Variants in SLFN12L observed in about 807,000 individuals in gnomAD.
SLFN12L encodes the protein schlafen family member 12-like.
A neutral mutation model predicts 34.8 loss-of-function variants in SLFN12L; 34 were observed. The ratio of observed to expected loss-of-function variants is 0.98; its 90% CI spans 0.74 to 1.30. SLFN12L has a LOEUF of 1.30. SLFN12L is among the 50% of genes most tolerant of loss of function. SLFN12L has a pLI of 0.00. For missense variants in SLFN12L, 703 were observed against 696.2 expected, an observed-to-expected ratio of 1.01 and a Z score of -0.11; for synonymous variants, 259 against 247.5, an observed-to-expected ratio of 1.05 and a Z score of -0.44.
chr17:35,508,252 C>T (rs906799847), intron 2 of SLFN12L, among the ~76,000 whole-genome samples: 5 of 152,200 alleles, frequency 3.3e-5, no homozygotes, highest in Non-Finnish European at 5.9e-5. Flanking sequence ...GAATTGCTCA[C>T]TCGGGGAGCT....
intron 2 of SLFN12L, among the ~76,000 whole-genome samples, chr17:35,520,947 G>C (rs1192154467): frequency 2.6e-5 from 4 of 152,014 alleles, no homozygotes; most frequent in African/African-American, 7.2e-5. Flanking sequence ...CTGCCTTTCT[G>C]TCTAAGCTTC....
intron 2 of SLFN12L, among the ~76,000 whole-genome samples, chr17:35,505,880 C>A (rs773177138): frequency 3.3e-5 from 5 of 152,190 alleles, no homozygotes; most frequent in Non-Finnish European, 5.9e-5. Flanking sequence ...ATAGTAAGTA[C>A]TTCAACTGAC....
At chr17:35,523,617 G>T (rs1199911102) in intron 1 of SLFN12L, among the ~76,000 whole-genome samples, 1 of 152,178 alleles carries the variant, frequency 6.6e-6, no homozygotes, top group African/African-American at 2.4e-5. Context: ...CGTGACATGA[G>T]AATATACTTG....
rs540927929 is a variant in SLFN12L at position 35,514,214 on chromosome 17, T to G, written c.86+8065A>C. ...CTTAGAACACATTAAGCTCACTGATTTAAACAAAACATTTCAAGACTGACA... is the reference window on the plus strand; with the variant it reads ...CTTAGAACACATTAAGCTCACTGATGTAAACAAAACATTTCAAGACTGACA... On this transcript the variant is annotated intron_variant, in intron 2 of 4. Transcript: ENST00000628453. Among the ~76,000 whole-genome samples, 3 of 152,330 alleles carry G rather than the reference T, an allele frequency of 2.0e-5. 1 individual carries two copies. In the South Asian group the frequency reaches 6.2e-4, roughly 32 times the overall value.
chr17:35,487,765 G>A (rs750126307), intron 2 of SLFN12L: 2 of 1,536,014 alleles, frequency 1.3e-6, no homozygotes, highest in Non-Finnish European at 1.7e-6. Context: ...ACCAAGTAGG[G>A]GGACCTGAGT....
chr17:35,521,494 G>A (rs1915995175), intron 2 of SLFN12L, among the ~76,000 whole-genome samples: 1 of 152,188 alleles, frequency 6.6e-6, no homozygotes, highest in Non-Finnish European at 1.5e-5. Context: ...ATGGCTGGGT[G>A]GATTTTCAGA....
intron 4 of SLFN12L, among the ~76,000 whole-genome samples, chr17:35,476,726 C>T (rs954424319): frequency 6.6e-6 from 1 of 151,058 alleles, no homozygotes; most frequent in Non-Finnish European, 1.5e-5. Flanking sequence ...GCTACTATAC[C>T]TAGAAAAGCA....
At chr17:35,480,409 G>A (rs1247240893) in intron 2 of SLFN12L, 9 of 425,084 alleles carry the variant, frequency 2.1e-5, no homozygotes, top group Admixed American at 8.1e-5. Flanking sequence ...TGTTTTATAC[G>A]ATCTTATTCT....
rs1916028306 is a variant in SLFN12L at position 35,522,500 on chromosome 17, G to A, written c.-136C>T. Reference sequence around the variant, plus strand: ...GATTTAAAACCTCATAGCTGCACAGGTCACTCAAGAGAGACCTGAAGCCGA... The same window carrying A: ...GATTTAAAACCTCATAGCTGCACAGATCACTCAAGAGAGACCTGAAGCCGA... On this transcript the variant is annotated 5_prime_UTR_variant, in exon 2 of 5. Transcript: ENST00000628453. 4.3e-6 allele frequency: 7 copies of A among 1,613,078 alleles called. No individual in the cohort carries two copies. In the South Asian group the frequency reaches 7.7e-5, roughly 18 times the overall value.
chr17:35,487,144 C>T (rs909283259), intron 2 of SLFN12L, among the ~76,000 whole-genome samples: 8 of 152,358 alleles, frequency 5.3e-5, no homozygotes, highest in African/African-American at 1.4e-4. Context: ...AACCCCCATC[C>T]GATGGACACC....
intron 2 of SLFN12L, chr17:35,510,387 T>C (rs572434295): frequency 4.5e-4 from 69 of 152,322 alleles, no homozygotes; most frequent in African/African-American, 1.6e-3. Flanking sequence ...AAATAAAATG[T>C]AGTGTATGCA....
At chr17:35,489,307 CTT>C (rs1914737639) in intron 2 of SLFN12L, among the ~76,000 whole-genome samples, 1 of 152,022 alleles carries the variant, frequency 6.6e-6, no homozygotes, top group Non-Finnish European at 1.5e-5. Flanking sequence ...TATCCCAGCA[CTT>C]TGAGCGGAGG....
intron 2 of SLFN12L, among the ~76,000 whole-genome samples, chr17:35,496,508 C>T (rs60559153): frequency 0.1 from 15,151 of 150,092 alleles, 869 homozygotes; most frequent in East Asian, 0.2. Flanking sequence ...CCGACTTCCC[C>T]CCTCCCCACC....
At chr17:35,527,551 C>A (rs556071181) in intron 1 of SLFN12L, among the ~76,000 whole-genome samples, 1 of 152,094 alleles carries the variant, frequency 6.6e-6, no homozygotes, top group African/African-American at 2.4e-5. Flanking sequence ...GTTGAACATA[C>A]GCAAATCAAT....
At chr17:35,505,935 A>G (rs918917499) in intron 2 of SLFN12L, among the ~76,000 whole-genome samples, 1 of 152,208 alleles carries the variant, frequency 6.6e-6, no homozygotes, top group African/African-American at 2.4e-5. Context: ...ATCAAGTCAC[A>G]GAGGTAGGAC....
chr17:35,488,371 C>A (rs1399496664), intron 2 of SLFN12L, among the ~76,000 whole-genome samples: 1 of 152,196 alleles, frequency 6.6e-6, no homozygotes, highest in Non-Finnish European at 1.5e-5. Flanking sequence ...GTGCGAGGAG[C>A]GGGTTGCTCT....
chr17:35,519,006 C>T (rs1053441211), intron 2 of SLFN12L, among the ~76,000 whole-genome samples: 8 of 152,090 alleles, frequency 5.3e-5, no homozygotes, highest in African/African-American at 1.7e-4. Flanking sequence ...CACTATGCAG[C>T]CATAAAAAAG....
chr17:35,534,723 G>A (rs977986366), intron 1 of SLFN12L, among the ~76,000 whole-genome samples: 3 of 152,184 alleles, frequency 2.0e-5, no homozygotes, highest in African/African-American at 7.2e-5. Context: ...TCACTGGCGG[G>A]AGCTGTTTAT....
At chr17:35,475,523 G>A in intron 4 of SLFN12L, 38 bp from the exon 5 acceptor site, 1 of 1,506,200 alleles carries the variant, frequency 6.6e-7, no homozygotes, top group Non-Finnish European at 8.8e-7. Context: ...AAAAGACTGA[G>A]AACTTCCAAC....
Sources: gnomAD v4.1 joint callset for allele counts (sites outside exome capture counted in the v4.1 genomes callset) on GRCh38, gnomAD v4.1.1 for gene constraint, MANE v1.5 for transcripts, NCBI Gene and HGNC (gene_info 2026-07-23, HGNC 2026-07-21) for gene names.